SH3KBP1: variants seen among roughly 807,000 people sequenced by gnomAD.
SH3KBP1 encodes SH3 domain-containing kinase-binding protein 1.
A neutral mutation model predicts 50.1 loss-of-function variants in SH3KBP1; 8 were observed. The ratio of observed to expected loss-of-function variants is 0.16; its 90% confidence interval spans 0.09 to 0.29. The LOEUF (loss-of-function observed/expected upper bound fraction) is 0.29. SH3KBP1 is among the 10% of genes least tolerant of loss of function. SH3KBP1 has a pLI of 1.00. For missense variants in SH3KBP1, 377 were observed against 535.2 expected (o/e 0.70, Z 2.92); for synonymous variants, 227 against 218.6 (o/e 1.04, Z -0.34).
chrX:19,542,177 G>A lies in SH3KBP1; in HGVS notation c.1640C>T (p.Ala547Val). Residue 547 changes from alanine to valine, a missense_variant, in exon 16 of 18, where the codon GCA (alanine) becomes GTA (valine). By Grantham distance (64) the Ala-to-Val change is moderately conservative. Transcript: ENST00000397821. ...GGTCCCCGGCTTGGGCGGCAGGGAT[G>A]CTTTGTTGTCAGACACCTGTGACGA... is the stretch of plus-strand genomic sequence containing the variant. ...VTISQVSDNK[A>V]SLPPKPGTMA... is the part of the protein sequence containing the mutation. The A allele has an allele frequency of 8.5e-7, 1 of 1,180,686 alleles. No homozygotes were observed. Among genetic ancestry groups the A allele is most frequent in the Non-Finnish European group, 1.1e-6 (1 of 879,487 alleles).
intron 1 of SH3KBP1, among the ~76,000 whole-genome samples, chrX:19,872,833 T>TCACACA (rs774471891): frequency 9.3e-4 from 90 of 96,507 alleles, no homozygotes; most frequent in African/African-American, 2.8e-3. Flanking sequence ...TCTCTCTCTC[T>TCACACA]CACACACACA....
At chrX:19,636,774 T>C (rs1359219218) in intron 7 of SH3KBP1, among the ~76,000 whole-genome samples, 1 of 111,871 alleles carries the variant, frequency 8.9e-6, no homozygotes, top group African/African-American at 3.3e-5. Context: ...GCTGAACATA[T>C]ACACAGAAGG....
At chrX:19,553,880 TAATA>T (rs1273261880) in intron 13 of SH3KBP1, among the ~76,000 whole-genome samples, 1 of 82,094 alleles carries the variant, frequency 1.2e-5, no homozygotes, top group African/African-American at 4.6e-5. Context: ...TGTTAATATA[TAATA>T]TATATTATAT....
At chrX:19,660,540 A>G (rs11795873) in intron 6 of SH3KBP1, among the ~76,000 whole-genome samples, 38,079 of 110,591 alleles carry the variant, frequency 0.34, 5,960 homozygotes, top group East Asian at 0.81. Flanking sequence ...AGGAGGAAAA[A>G]GCTAATGGAA....
chrX:19,674,205 G>A (rs1395835915), intron 6 of SH3KBP1, among the ~76,000 whole-genome samples: 1 of 111,239 alleles, frequency 9.0e-6, no homozygotes, highest in Non-Finnish European at 1.9e-5. Flanking sequence ...GTGACTTAGG[G>A]TAGGAGGTGT....
chrX:19,741,204 G>A (rs915114306), intron 3 of SH3KBP1, among the ~76,000 whole-genome samples: 12 of 112,180 alleles, frequency 1.1e-4, no homozygotes, highest in African/African-American at 3.9e-4. Context: ...AACCCACAGA[G>A]CAATGTTCTA....
At chrX:19,634,414 C>T (rs2061654256) in intron 7 of SH3KBP1, among the ~76,000 whole-genome samples, 1 of 111,481 alleles carries the variant, frequency 9.0e-6, no homozygotes, top group Non-Finnish European at 1.9e-5. Context: ...TAGAACACTT[C>T]GACTGTGCAG....
chrX:19,779,938 T>C (rs1348907784), intron 2 of SH3KBP1, among the ~76,000 whole-genome samples: 2 of 109,633 alleles, frequency 1.8e-5, no homozygotes, highest in Non-Finnish European at 3.8e-5. Context: ...TTTGGGTATA[T>C]ACCCAGTAAT....
At chrX:19,607,833 A>G (rs2067286271) in intron 9 of SH3KBP1, 105 bp downstream of exon 9, 1 of 635,492 alleles carries the variant, frequency 1.6e-6, no homozygotes, top group South Asian at 2.4e-5. Flanking sequence ...GGGTCTGTTG[A>G]ATGTTCAAAT....
chrX:19,598,850 G>A (rs1281367180), intron 9 of SH3KBP1, among the ~76,000 whole-genome samples: 2 of 111,383 alleles, frequency 1.8e-5, no homozygotes, highest in African/African-American at 3.3e-5. Context: ...CCCATAACAG[G>A]TATAATAATA....
At chrX:19,778,441 A>G (rs1227008306) in intron 2 of SH3KBP1, among the ~76,000 whole-genome samples, 2 of 108,142 alleles carry the variant, frequency 1.8e-5, no homozygotes, top group Non-Finnish European at 3.8e-5. Context: ...AAAAAAAAAA[A>G]AAAAAAGAAA....
At chrX:19,552,197 A>G (rs1480016108) in intron 13 of SH3KBP1, among the ~76,000 whole-genome samples, 1 of 112,325 alleles carries the variant, frequency 8.9e-6, no homozygotes, top group Non-Finnish European at 1.9e-5. Context: ...TTTGTTGGAT[A>G]GCTAGTTTCC....
chrX:19,584,179 AATAT>A (rs1248528900), intron 12 of SH3KBP1, among the ~76,000 whole-genome samples: 1 of 94,313 alleles, frequency 1.1e-5, no homozygotes, highest in African/African-American at 3.9e-5. Flanking sequence ...ATTTATATAT[AATAT>A]ATTTATATTT....
At chrX:19,705,044 A>C (rs1412194419) in intron 4 of SH3KBP1, among the ~76,000 whole-genome samples, 1 of 112,282 alleles carries the variant, frequency 8.9e-6, no homozygotes, top group Non-Finnish European at 1.9e-5. Context: ...CAAATTCACC[A>C]GTTCTTCTAT....
intron 5 of SH3KBP1, among the ~76,000 whole-genome samples, chrX:19,684,995 A>G (rs1218133984): frequency 1.8e-5 from 2 of 112,450 alleles, no homozygotes; most frequent in African/African-American, 3.2e-5. Context: ...CAGTATATCA[A>G]TTATGCCATC....
At chrX:19,613,600 G>C (rs1227388173) in intron 8 of SH3KBP1, among the ~76,000 whole-genome samples, 1 of 112,552 alleles carries the variant, frequency 8.9e-6, no homozygotes, top group Non-Finnish European at 1.9e-5. Context: ...AGATATTAGG[G>C]TAACATATAC....
At chrX:19,697,950 G>A (rs903401494) in intron 4 of SH3KBP1, among the ~76,000 whole-genome samples, 1 of 112,306 alleles carries the variant, frequency 8.9e-6, no homozygotes, top group Non-Finnish European at 1.9e-5. Context: ...CGGCATTCAT[G>A]CACAACTGTC....
At position 19,799,486 on chromosome X, in the gene SH3KBP1, G is replaced by A. The variant is rs772477165; in HGVS notation, c.162+36639C>T. ...GAAAACTGAGACCTGGGGCCAAGTG[G>A]AAAACAGTGTTGGTCACCATCTTGG... On this transcript the variant is annotated intron_variant, in intron 2 of 17. Coordinates refer to ENST00000397821, the MANE Select transcript of SH3KBP1 (RefSeq NM_031892.3). 23 of 561,794 alleles carry A rather than the reference G, an allele frequency of 4.1e-5. No individual in the cohort carries two copies. In the South Asian group the frequency reaches 5.6e-4, roughly 14 times the overall value. The allele number at this position is 561,794 out of a possible 1,213,427, so 46.3% of individuals were successfully genotyped here.
At position 19,542,099 on chromosome X, in the gene SH3KBP1, G is replaced by A; in HGVS notation, c.1718C>T (p.Pro573Leu). The A allele has an allele frequency of 8.3e-7, 1 of 1,211,490 alleles. No homozygotes were observed. Among genetic ancestry groups the A allele is most frequent in the East Asian group, 3.0e-5 (1 of 33,800 alleles). The change falls in exon 16 of 18, where the codon CCC becomes CTC. Residue 573 changes from proline (P) to leucine (L), a missense_variant. Pro to Leu is a moderately conservative substitution (Grantham distance 98). Coordinates refer to ENST00000397821, the MANE Select transcript of SH3KBP1 (RefSeq NM_031892.3). The stretch of plus-strand genomic sequence containing the variant: ...AGCTGTTCCCAAAGAGGATGACAGG[G>A]GGGAGGGCGCCGCTGAGGACAGAGG... ...PAPLSSAAPSPLSSSLGTAGH... is the reference protein window; with the variant it reads ...PAPLSSAAPSLLSSSLGTAGH...
Sources: gnomAD v4.1 joint callset for allele counts (sites outside exome capture counted in the v4.1 genomes callset) on GRCh38, gnomAD v4.1.1 for gene constraint, MANE v1.5 for transcripts, NCBI Gene and HGNC (gene_info 2026-07-23, HGNC 2026-07-21) for gene names.